Variants in KCNH8 observed in about 807,000 individuals in gnomAD.
KCNH8 encodes voltage-gated delayed rectifier potassium channel KCNH8.
Under a neutral mutation model 103.6 loss-of-function variants are expected in KCNH8, and 70 were observed. The ratio of observed to expected loss-of-function variants is 0.68; its 90% CI spans 0.56 to 0.82. KCNH8 has a LOEUF of 0.82. Among genes scored for constraint, KCNH8 ranks in the 40% least tolerant of loss-of-function variants. KCNH8 has a pLI of 0.00. For synonymous variants in KCNH8, 498 were observed against 489.4 expected (o/e 1.02, Z -0.23); for missense variants, 1,217 against 1,329.9 (o/e 0.92, Z 1.32).
intron 11 of KCNH8, among the ~76,000 whole-genome samples, chr3:19,461,899 G>A (rs2067638147): frequency 6.6e-6 from 1 of 151,478 alleles, no homozygotes; most frequent in South Asian, 2.1e-4. Flanking sequence ...TCCTACCTAT[G>A]AGTGTCCTTG....
chr3:19,341,731 A>C (rs1478314563), intron 3 of KCNH8, among the ~76,000 whole-genome samples: 2 of 152,142 alleles, frequency 1.3e-5, no homozygotes, highest in African/African-American at 2.4e-5. Flanking sequence ...TGATTTTTAT[A>C]ATATAAATTA....
At chr3:19,469,162 G>A (rs1260880525) in intron 11 of KCNH8, among the ~76,000 whole-genome samples, 3 of 152,122 alleles carry the variant, frequency 2.0e-5, no homozygotes, top group African/African-American at 4.8e-5. Flanking sequence ...ACTTTTCTGA[G>A]ATAATTGTTC....
chr3:19,148,855 C>G, intron 1 of KCNH8, 60 bp downstream of exon 1: 4 of 1,447,298 alleles, frequency 2.8e-6, no homozygotes, highest in Non-Finnish European at 1.9e-6. Flanking sequence ...TTCTCGTACA[C>G]ATTACTTTTG....
At chr3:19,400,231 C>CA (rs11422314) in intron 7 of KCNH8, among the ~76,000 whole-genome samples, 22,577 of 53,038 alleles carry the variant, frequency 0.43, 7,352 homozygotes, top group African/African-American at 0.6. Context: ...TGTTAGCCAG[C>CA]AAAAAAAAAA....
chr3:19,435,389 G>A (rs1385294666), intron 7 of KCNH8, among the ~76,000 whole-genome samples: 2 of 152,076 alleles, frequency 1.3e-5, no homozygotes, highest in African/African-American at 2.4e-5. Flanking sequence ...ATGAAATAAC[G>A]AACCAAAATG....
chr3:19,148,880 T>C (rs2063101466), intron 1 of KCNH8, 85 bp downstream of exon 1: 1 of 1,185,580 alleles, frequency 8.4e-7, no homozygotes, highest in African/African-American at 1.5e-5. Flanking sequence ...CACCTTCCCT[T>C]TTGCACCAGC....
chr3:19,524,626 C>T (rs973660556), intron 15 of KCNH8, among the ~76,000 whole-genome samples: 2 of 151,812 alleles, frequency 1.3e-5, no homozygotes, highest in African/African-American at 4.8e-5. Flanking sequence ...AAAGCTTCTC[C>T]TGTGAGGGGT....
At chr3:19,170,416 T>A (rs945834454) in intron 1 of KCNH8, among the ~76,000 whole-genome samples, 1 of 151,706 alleles carries the variant, frequency 6.6e-6, no homozygotes, top group Non-Finnish European at 1.5e-5. Flanking sequence ...TGTAATAGGG[T>A]CTCAAGCTTA....
intron 1 of KCNH8, among the ~76,000 whole-genome samples, chr3:19,204,160 T>C (rs1367325559): frequency 6.6e-6 from 1 of 152,090 alleles, no homozygotes. Context: ...TCCCTGCTCA[T>C]AATGGCTAGG....
chr3:19,412,016 TA>T (rs993403705), intron 7 of KCNH8, among the ~76,000 whole-genome samples: 78 of 151,250 alleles, frequency 5.2e-4, no homozygotes, highest in Middle Eastern at 3.4e-3. Flanking sequence ...AAGAATTATT[TA>T]AAAAAAATAG....
chr3:19,349,341 A>G (rs2065769145), intron 5 of KCNH8, among the ~76,000 whole-genome samples: 1 of 152,020 alleles, frequency 6.6e-6, no homozygotes, highest in Non-Finnish European at 1.5e-5. Context: ...TTACTTTGCC[A>G]ACATTTGAAG....
intron 3 of KCNH8, among the ~76,000 whole-genome samples, chr3:19,324,715 C>T (rs953181732): frequency 6.6e-6 from 1 of 152,086 alleles, no homozygotes; most frequent in Non-Finnish European, 1.5e-5. Context: ...ACATTCCATG[C>T]TCATGGATAG....
At chr3:19,474,247 C>A (rs2067923595) in intron 11 of KCNH8, among the ~76,000 whole-genome samples, 1 of 152,128 alleles carries the variant, frequency 6.6e-6, no homozygotes, top group Admixed American at 6.6e-5. Flanking sequence ...TTTAATAGTG[C>A]TTTTCCCACA....
At chr3:19,276,592 A>G (rs2064676558) in intron 2 of KCNH8, among the ~76,000 whole-genome samples, 1 of 152,152 alleles carries the variant, frequency 6.6e-6, no homozygotes, top group African/African-American at 2.4e-5. Context: ...GGGACCACTC[A>G]CAACTCAGTT....
intron 3 of KCNH8, among the ~76,000 whole-genome samples, chr3:19,319,828 A>G (rs1394856536): frequency 2.6e-5 from 4 of 151,868 alleles, no homozygotes; most frequent in East Asian, 1.9e-4. Flanking sequence ...TGTGTTGTCT[A>G]TGATTTCTTT....
chr3:19,148,658 T>C lies in KCNH8; in HGVS notation c.-62T>C, dbSNP rs1017480972. ...GGTTCCCCTTCTCCCTTCTTGGCACTTTCCTTTCGAACCATCCTTCTGGAC... is the reference window on the plus strand; with the variant it reads ...GGTTCCCCTTCTCCCTTCTTGGCACCTTCCTTTCGAACCATCCTTCTGGAC... On this transcript the variant is annotated 5_prime_UTR_variant, in exon 1 of 16. Transcript: ENST00000328405. 1 of 1,542,274 alleles carries C rather than the reference T, an allele frequency of 6.5e-7. No individual in the cohort carries two copies. The highest frequency in any genetic ancestry group is 1.7e-5 in the Admixed American group (1 of 59,928).
intron 8 of KCNH8, among the ~76,000 whole-genome samples, chr3:19,448,617 T>C (rs914649460): frequency 1.1e-4 from 16 of 152,084 alleles, no homozygotes; most frequent in African/African-American, 3.9e-4. Context: ...CTCAGGAAGA[T>C]AGAAGTAATA....
chr3:19,293,840 A>G lies in KCNH8; in HGVS notation c.442+12511A>G, dbSNP rs141755730. ...GTGTCTGACACATAGTAAGTGCTCAATAAATATTTGATAGATGGATGATGA... is the reference window on the plus strand; with the variant it reads ...GTGTCTGACACATAGTAAGTGCTCAGTAAATATTTGATAGATGGATGATGA... On this transcript the variant is annotated intron_variant, in intron 3 of 15. Coordinates refer to ENST00000328405, the MANE Select transcript of KCNH8 (RefSeq NM_144633.3). 2.8e-3 allele frequency among the ~76,000 whole-genome samples: 431 copies of G among 152,344 alleles called. 3 individuals carry two copies. Among genetic ancestry groups the G allele is most frequent in the African/African-American group, 1.0e-2 (414 of 41,588 alleles).
At chr3:19,275,070 A>C (rs1409838567) in intron 2 of KCNH8, among the ~76,000 whole-genome samples, 1 of 151,168 alleles carries the variant, frequency 6.6e-6, no homozygotes, top group Non-Finnish European at 1.5e-5. Context: ...AACTCTTTAC[A>C]TCTCTACCTC....
Sources: gnomAD v4.1 joint callset for allele counts (sites outside exome capture counted in the v4.1 genomes callset) on GRCh38, gnomAD v4.1.1 for gene constraint, MANE v1.5 for transcripts, NCBI Gene and HGNC (gene_info 2026-07-23, HGNC 2026-07-21) for gene names.